The following NOL4 variants were observed in gnomAD, a reference collection of about 807,000 sequenced individuals.
NOL4 encodes the protein nucleolar protein 4, also known as cancer/testis antigen 125.
Under a neutral mutation model 75.9 loss-of-function variants are expected in NOL4, and 17 were observed. The observed-to-expected ratio is 0.22, with a 90% CI of 0.15 to 0.34. The LOEUF is 0.34. Among genes scored for constraint, NOL4 ranks in the 10% least tolerant of loss-of-function variants. NOL4 has a pLI of 1.00. For synonymous variants in NOL4, 292 were observed against 289.9 expected (o/e 1.01, Z -0.07); for missense variants, 614 against 793.5 (o/e 0.77, Z 2.72).
At chr18:34,022,246 TG>T (rs769896615) in intron 5 of NOL4, among the ~76,000 whole-genome samples, 29 of 151,826 alleles carry the variant, frequency 1.9e-4, no homozygotes, top group Non-Finnish European at 1.8e-4. Flanking sequence ...AAGACTACCC[TG>T]TGAAAAATGT....
At chr18:33,957,274 T>G in intron 8 of NOL4, 52 bp downstream of exon 8, 1 of 1,375,020 alleles carries the variant, frequency 7.3e-7, no homozygotes, top group African/African-American at 1.4e-5. Flanking sequence ...TGTCATGGTT[T>G]ACATGTGGGA....
chr18:34,129,024 G>A (rs535803307), intron 2 of NOL4: 8 of 174,036 alleles, frequency 4.6e-5, no homozygotes, highest in South Asian at 3.8e-4. Context: ...AAAGTAATTC[G>A]GATGCACATT....
intron 2 of NOL4, among the ~76,000 whole-genome samples, chr18:34,111,110 A>T (rs2079566097): frequency 1.3e-5 from 2 of 152,186 alleles, no homozygotes; most frequent in Admixed American, 1.3e-4. Flanking sequence ...TGTGGAAGAA[A>T]TAAATTGGCC....
chr18:34,122,583 C>T (rs551966943), intron 2 of NOL4, among the ~76,000 whole-genome samples: 39 of 152,108 alleles, frequency 2.6e-4, no homozygotes, highest in African/African-American at 7.7e-4. Context: ...TTATTTATGG[C>T]CCTAAAAACA....
chr18:34,218,652 C>A (rs1239807930), intron 1 of NOL4, among the ~76,000 whole-genome samples: 1 of 152,144 alleles, frequency 6.6e-6, no homozygotes, highest in African/African-American at 2.4e-5. Flanking sequence ...TTCTCGGGAT[C>A]TATTTGACCC....
intron 1 of NOL4, among the ~76,000 whole-genome samples, chr18:34,213,079 C>G (rs1216296970): frequency 1.3e-5 from 2 of 152,140 alleles, no homozygotes; most frequent in Non-Finnish European, 2.9e-5. Context: ...TGGGGGCCAT[C>G]TGAGACTCAT....
chr18:34,222,476 C>G (rs2037387737), intron 1 of NOL4: 26 of 985,194 alleles, frequency 2.6e-5, no homozygotes, highest in Non-Finnish European at 3.1e-5. Flanking sequence ...TAAAACCTGA[C>G]AGTGTCCTGG....
chr18:33,953,899 A>T (rs2069444991), intron 8 of NOL4, among the ~76,000 whole-genome samples: 1 of 152,186 alleles, frequency 6.6e-6, no homozygotes, highest in Non-Finnish European at 1.5e-5. Context: ...TAACTGCCCA[A>T]AAGCAGGTAA....
At chr18:33,854,547 T>C (rs2062757209) in intron 10 of NOL4, among the ~76,000 whole-genome samples, 1 of 152,050 alleles carries the variant, frequency 6.6e-6, no homozygotes, top group African/African-American at 2.4e-5. Context: ...ATTAACATCA[T>C]TGAGTTTATT....
At chr18:34,080,207 C>T (rs115413808) in intron 5 of NOL4, among the ~76,000 whole-genome samples, 9 of 152,274 alleles carry the variant, frequency 5.9e-5, no homozygotes, top group African/African-American at 2.2e-4. Context: ...GCAGCTCCTC[C>T]ATCCTCAGGT....
intron 1 of NOL4, among the ~76,000 whole-genome samples, chr18:34,209,754 C>T (rs78440694): frequency 2.4e-3 from 367 of 152,220 alleles, no homozygotes; most frequent in African/African-American, 7.6e-3. Context: ...CAGTTCAACC[C>T]GTGAATTCTC....
chr18:34,076,518 T>C (rs930560081), intron 5 of NOL4, among the ~76,000 whole-genome samples: 4 of 152,152 alleles, frequency 2.6e-5, no homozygotes, highest in African/African-American at 9.7e-5. Flanking sequence ...GAAAATGATA[T>C]TCCTACTAAG....
chr18:33,902,104 T>A (rs2065779915), intron 9 of NOL4, among the ~76,000 whole-genome samples: 1 of 151,988 alleles, frequency 6.6e-6, no homozygotes, highest in Admixed American at 6.6e-5. Flanking sequence ...AAAGTTGTAA[T>A]AAGGTTTGTG....
chr18:34,007,787 A>G (rs1280068849), intron 6 of NOL4, among the ~76,000 whole-genome samples: 2 of 151,942 alleles, frequency 1.3e-5, no homozygotes, highest in African/African-American at 2.4e-5. Context: ...TGTTACGTGT[A>G]GTATAGTTGT....
At chr18:34,033,597 C>A (rs1318352348) in intron 5 of NOL4, among the ~76,000 whole-genome samples, 6 of 151,764 alleles carry the variant, frequency 4.0e-5, no homozygotes, top group Non-Finnish European at 7.4e-5. Flanking sequence ...TCCCATAAAG[C>A]AAAGAGAAAA....
chr18:33,997,059 T>C (rs549302290), intron 6 of NOL4, among the ~76,000 whole-genome samples: 1 of 152,048 alleles, frequency 6.6e-6, no homozygotes, highest in African/African-American at 2.4e-5. Flanking sequence ...TGTTTTCTGT[T>C]GATAATTTAT....
intron 5 of NOL4, among the ~76,000 whole-genome samples, chr18:34,022,121 TAAATA>T (rs1266554912): frequency 2.7e-5 from 4 of 150,842 alleles, no homozygotes; most frequent in African/African-American, 4.9e-5. Flanking sequence ...AATAAATAAA[TAAATA>T]AAATAAAATA....
At chr18:33,873,354 G>C (rs921383452) in intron 10 of NOL4, among the ~76,000 whole-genome samples, 1 of 151,958 alleles carries the variant, frequency 6.6e-6, no homozygotes, top group Non-Finnish European at 1.5e-5. Context: ...TAGTGAGCCA[G>C]AACAAGCTAT....
intron 9 of NOL4, among the ~76,000 whole-genome samples, chr18:33,904,593 C>T (rs866202790): frequency 6.6e-6 from 1 of 152,158 alleles, no homozygotes; most frequent in Non-Finnish European, 1.5e-5. Context: ...AAGGCCATGA[C>T]AGGCAAGTGT....
Sources: gnomAD v4.1 joint callset for allele counts (sites outside exome capture counted in the v4.1 genomes callset) on GRCh38, gnomAD v4.1.1 for gene constraint, MANE v1.5 for transcripts, NCBI Gene and HGNC (gene_info 2026-07-23, HGNC 2026-07-21) for gene names.